STXBP6: variants seen among roughly 807,000 people sequenced by gnomAD.
STXBP6 encodes the protein syntaxin binding protein 6.
In STXBP6, 21 loss-of-function variants were observed where a neutral mutation model predicts 26.9. That is an observed-to-expected ratio of 0.78 (90% CI 0.55 to 1.12). The LOEUF is 1.12. STXBP6 is among the 50% of genes most tolerant of loss of function. The pLI is 0.00. For synonymous variants in STXBP6, 97 were observed against 92.6 expected, an observed-to-expected ratio of 1.05 and a Z score of -0.27; for missense variants, 232 against 257.9, an observed-to-expected ratio of 0.90 and a Z score of 0.69.
chr14:24,825,053 T>G (rs1222940322), intron 4 of STXBP6, among the ~76,000 whole-genome samples: 1 of 152,222 alleles, frequency 6.6e-6, no homozygotes, highest in African/African-American at 2.4e-5. Flanking sequence ...CTAGCCACAC[T>G]CCTTTATTGC....
chr14:24,987,261 G>A (rs2074356409), intron 1 of STXBP6, among the ~76,000 whole-genome samples: 1 of 126,090 alleles, frequency 7.9e-6, no homozygotes, highest in African/African-American at 4.3e-5. Flanking sequence ...ATGTTGGATG[G>A]TGACAAGAAG....
chr14:25,018,295 C>T (rs749630805), intron 1 of STXBP6, among the ~76,000 whole-genome samples: 1 of 152,162 alleles, frequency 6.6e-6, no homozygotes, highest in African/African-American at 2.4e-5. Context: ...CAGGCCTAGG[C>T]AGCAATGCAC....
intron 2 of STXBP6, among the ~76,000 whole-genome samples, chr14:24,964,923 C>G (rs1454393602): frequency 6.6e-6 from 1 of 152,074 alleles, no homozygotes; most frequent in Non-Finnish European, 1.5e-5. Flanking sequence ...ATTGACTAAC[C>G]CAGTTCTAAC....
chr14:25,014,051 A>T (rs1428956412), intron 1 of STXBP6, among the ~76,000 whole-genome samples: 1 of 152,244 alleles, frequency 6.6e-6, no homozygotes, highest in Non-Finnish European at 1.5e-5. Context: ...TTGTTTCAAC[A>T]TAATCCCTGG....
At chr14:24,835,147 G>A (rs1457947676) in intron 4 of STXBP6, among the ~76,000 whole-genome samples, 3 of 152,132 alleles carry the variant, frequency 2.0e-5, no homozygotes, top group South Asian at 2.1e-4. Flanking sequence ...TTCTTCTTCC[G>A]TGTTTAATTT....
Position 24,905,587 on chromosome 14 carries a change from G to A in STXBP6, c.155-48430C>T, listed in dbSNP as rs1308771559. 7.2e-5 allele frequency among the ~76,000 whole-genome samples: 11 copies of A among 152,274 alleles called. No homozygotes were observed. In the East Asian group the frequency reaches 2.1e-3, roughly 29 times the overall value. On this transcript the variant is annotated intron_variant, in intron 2 of 5. Transcript: ENST00000323944. ...AATAACATGCAATCTGTGGCTCTGT[G>A]ACCTATGTAGCAAAAACTGCCAAAG...
At chr14:24,845,170 C>T (rs948798249) in intron 4 of STXBP6, among the ~76,000 whole-genome samples, 1 of 152,048 alleles carries the variant, frequency 6.6e-6, no homozygotes, top group Non-Finnish European at 1.5e-5. Context: ...TGCCACCAGG[C>T]CTGGCTAATT....
intron 1 of STXBP6, among the ~76,000 whole-genome samples, chr14:25,043,103 A>C (rs1000491884): frequency 6.6e-6 from 1 of 152,224 alleles, no homozygotes; most frequent in Non-Finnish European, 1.5e-5. Flanking sequence ...GATCACAAGG[A>C]AGCCTGAATA....
intron 1 of STXBP6, among the ~76,000 whole-genome samples, chr14:25,003,998 T>G (rs954149179): frequency 5.9e-5 from 9 of 152,216 alleles, no homozygotes; most frequent in Non-Finnish European, 1.5e-5. Flanking sequence ...GTTTATGCTC[T>G]GGAGTAAAGG....
chr14:24,958,425 G>A (rs2073412674), intron 2 of STXBP6, among the ~76,000 whole-genome samples: 1 of 152,112 alleles, frequency 6.6e-6, no homozygotes, highest in African/African-American at 2.4e-5. Context: ...ATTTTATGGG[G>A]AAGAAGATTC....
At chr14:24,949,596 A>C in intron 2 of STXBP6, among the ~76,000 whole-genome samples, 1 of 152,240 alleles carries the variant, frequency 6.6e-6, no homozygotes, top group East Asian at 1.9e-4. Context: ...ATATTTCTCG[A>C]ATGTAGAATG....
At position 25,024,170 on chromosome 14, in the gene STXBP6, A is replaced by G. The variant is rs565158810; in HGVS notation, c.-33+25708T>C. Reference sequence around the variant, plus strand: ...TAAAAATGCAAAAAATTAGCCGGGCATGGTGGCACACGCCTGTAGTCCCAG... The same window carrying G: ...TAAAAATGCAAAAAATTAGCCGGGCGTGGTGGCACACGCCTGTAGTCCCAG... On this transcript the variant is annotated intron_variant, in intron 1 of 5. Coordinates refer to ENST00000323944, the MANE Select transcript of STXBP6 (RefSeq NM_001394410.1). Among the ~76,000 whole-genome samples the G allele has an allele frequency of 4.2e-3, 644 of 152,116 alleles. 20 individuals are homozygous for G. Among genetic ancestry groups the G allele is most frequent in the Admixed American group, 0.037 (564 of 15,274 alleles).
chr14:24,899,508 T>G (rs1270341520), intron 2 of STXBP6, among the ~76,000 whole-genome samples: 1 of 151,984 alleles, frequency 6.6e-6, no homozygotes, highest in African/African-American at 2.4e-5. Context: ...TGGCCGGGTG[T>G]GGTGGCTCAT....
chr14:24,961,929 T>C (rs1032918661), intron 2 of STXBP6, among the ~76,000 whole-genome samples: 8 of 152,154 alleles, frequency 5.3e-5, no homozygotes, highest in East Asian at 1.9e-4. Context: ...AACATAAATA[T>C]GTTTGGTTGA....
intron 2 of STXBP6, among the ~76,000 whole-genome samples, chr14:24,964,570 A>G (rs796728454): frequency 6.6e-6 from 1 of 151,828 alleles, no homozygotes; most frequent in South Asian, 2.1e-4. Flanking sequence ...TCCTCAAAAT[A>G]CCCTGTGAGT....
At chr14:24,990,378 G>A (rs774266954) in intron 1 of STXBP6, among the ~76,000 whole-genome samples, 13 of 152,134 alleles carry the variant, frequency 8.5e-5, no homozygotes, top group Admixed American at 4.6e-4. Context: ...GATAAGCTGC[G>A]CCGCGCGCAG....
chr14:24,857,290 G>C (rs2069372439), intron 2 of STXBP6, 133 bp from the exon 3 acceptor site: 1 of 1,172,436 alleles, frequency 8.5e-7, no homozygotes, highest in African/African-American at 1.5e-5. Context: ...GGAAAGGAGG[G>C]AATATGAATA....
Position 25,036,047 on chromosome 14 carries a change from G to A in STXBP6, c.-33+13831C>T, listed in dbSNP as rs140168039. On this transcript the variant is annotated intron_variant, in intron 1 of 5. Transcript: ENST00000323944. ...AGCCCAGACAACATGGTGAAACCCC[G>A]TCTCTACAAAAAATACAAAAAGTAG... Among the ~76,000 whole-genome samples, 9 of 151,864 alleles carry A rather than the reference G, an allele frequency of 5.9e-5. No individual in the cohort carries two copies. In the East Asian group the frequency reaches 9.7e-4, roughly 16 times the overall value.
intron 2 of STXBP6, among the ~76,000 whole-genome samples, chr14:24,959,613 T>C (rs2073461210): frequency 6.6e-6 from 1 of 152,216 alleles, no homozygotes; most frequent in Admixed American, 6.5e-5. Flanking sequence ...AGTATTTGAA[T>C]TCTAGTTCAA....
Sources: gnomAD v4.1 joint callset for allele counts (sites outside exome capture counted in the v4.1 genomes callset) on GRCh38, gnomAD v4.1.1 for gene constraint, MANE v1.5 for transcripts, NCBI Gene and HGNC (gene_info 2026-07-23, HGNC 2026-07-21) for gene names.